TRMT10C: variants seen among roughly 807,000 people sequenced by gnomAD.
TRMT10C encodes tRNA methyltransferase 10 homolog C.
Under a neutral mutation model 27.4 loss-of-function variants are expected in TRMT10C, and 14 were observed. The ratio of observed to expected loss-of-function variants is 0.51; its 90% CI spans 0.34 to 0.80. TRMT10C has a LOEUF of 0.80. TRMT10C is among the 30% of genes least tolerant of loss of function. The pLI, the probability that TRMT10C is intolerant of heterozygous loss-of-function variation, is 0.02. For synonymous variants in TRMT10C, 143 were observed against 155.9 expected (o/e 0.92, Z 0.62); for missense variants, 438 against 464.8 (o/e 0.94, Z 0.53).
At chr3:101,563,499 C>G (rs1934458617) in intron 1 of TRMT10C, among the ~76,000 whole-genome samples, 7 of 151,962 alleles carry the variant, frequency 4.6e-5, no homozygotes, top group Admixed American at 4.6e-4. Flanking sequence ...ATTGAAGCCA[C>G]AGAAGTAGGT....
intron 1 of TRMT10C, chr3:101,562,228 G>A (rs546403041): frequency 9.2e-5 from 14 of 152,290 alleles, no homozygotes; most frequent in Middle Eastern, 3.4e-3. Context: ...TCATTTCTGT[G>A]GTATTCTAAG....
chr3:101,566,126 C>T lies in TRMT10C; in HGVS notation c.*133C>T. On this transcript the variant is annotated 3_prime_UTR_variant, in exon 2 of 2. Coordinates refer to ENST00000309922, the MANE Select transcript of TRMT10C (RefSeq NM_017819.4). ...TTCTTCCCAAACAATTCATTTTTCTCTTCTAAAGGTAGTCTTTCCCAACTG... is the reference window on the plus strand; with the variant it reads ...TTCTTCCCAAACAATTCATTTTTCTTTTCTAAAGGTAGTCTTTCCCAACTG... 7 of 1,072,692 alleles carry T rather than the reference C, an allele frequency of 6.5e-6. No homozygotes were observed. In the South Asian group the frequency reaches 1.3e-4, roughly 20 times the overall value. 66.4% of individuals were successfully genotyped at this position (1,072,692 alleles called of 1,614,324 possible).
At chr3:101,562,118 A>C (rs879896813) in intron 1 of TRMT10C, 115 bp downstream of exon 1, 2 of 152,244 alleles carry the variant, frequency 1.3e-5, no homozygotes, top group Non-Finnish European at 2.9e-5. Flanking sequence ...GGGTAAGAGG[A>C]AGCCCAGTGA....
In TRMT10C at chr3:101,561,949, T is replaced by G. The variant is rs906760028; in HGVS notation, c.-67T>G. On this transcript the variant is annotated 5_prime_UTR_variant, in exon 1 of 2. Coordinates refer to ENST00000309922, the MANE Select transcript of TRMT10C (RefSeq NM_017819.4). ...GGCGTCCGTACGTCGGAGTCCTTCGTCCTCCAGGGTCCCTGTTCTTTGCGC... is the reference window on the plus strand; with the variant it reads ...GGCGTCCGTACGTCGGAGTCCTTCGGCCTCCAGGGTCCCTGTTCTTTGCGC... 6.5e-6 allele frequency: 1 copy of G among 153,056 alleles called. No homozygotes were observed. The highest frequency in any genetic ancestry group is 1.5e-5 in the Non-Finnish European group (1 of 68,504). 9.5% of individuals were successfully genotyped at this position (153,056 alleles called of 1,614,324 possible). A position where few individuals can be genotyped will look rare whatever the true frequency, so the allele number is the denominator to read the frequency against.
intron 1 of TRMT10C, among the ~76,000 whole-genome samples, chr3:101,564,293 T>C (rs1934472765): frequency 6.8e-6 from 1 of 146,188 alleles, no homozygotes; most frequent in Non-Finnish European, 1.5e-5. Context: ...AATCTCACTC[T>C]GTCACCCAGG....
Position 101,566,184 on chromosome 3 carries a change from T to C in TRMT10C, c.*191T>C. 3.5e-6 allele frequency: 2 copies of C among 577,080 alleles called. No individual in the cohort carries two copies. Among genetic ancestry groups the C allele is most frequent in the Non-Finnish European group, 6.0e-6 (2 of 335,874 alleles). The allele number at this position is 577,080 out of a possible 1,614,324, so 35.7% of individuals were successfully genotyped here. On this transcript the variant is annotated 3_prime_UTR_variant, in exon 2 of 2. Transcript: ENST00000309922. ...GGTTGTGTCTTTTCCCAATTAAATATCTGCAGAACTTTGGGATTATACTTT... is the reference window on the plus strand; with the variant it reads ...GGTTGTGTCTTTTCCCAATTAAATACCTGCAGAACTTTGGGATTATACTTT...
chr3:101,565,647 A>G lies in TRMT10C; in HGVS notation c.866A>G (p.Tyr289Cys), dbSNP rs187732394. The change falls in exon 2 of 2, where the codon TAT (tyrosine) becomes TGT (cysteine). Residue 289 changes from tyrosine to cysteine, a missense_variant. Physicochemically the swap from Tyr to Cys is radical, Grantham distance 194. Around this residue, in one of 3 missense-constraint regions of TRMT10C, gnomAD observed 350 missense variants for 370.5 expected, o/e 0.94. Transcript: ENST00000309922. ...VDLFPKDSII[Y>C]LTADSPNVMT... ...TTATTTCCAAAGGACAGTATTATCT[A>G]TTTAACTGCAGATTCTCCCAATGTT... 74 of 1,614,214 alleles carry G rather than the reference A, an allele frequency of 4.6e-5. No individual in the cohort carries two copies. In the Admixed American group the frequency reaches 5.3e-4, roughly 12 times the overall value.
chr3:101,565,966 C>G lies in TRMT10C; in HGVS notation c.1185C>G (p.Ile395Met). ...TTTCTCAGCATTCTCAAGAGTTTAT[C>G]AACAGACTAAAGAAGGCAAAGACTT... The part of the protein sequence containing the change: ...LEISQHSQEF[I>M]NRLKKAKT The change falls in exon 2 of 2, where the codon ATC becomes ATG. Residue 395 changes from isoleucine to methionine, a missense_variant. This residue lies in a region of TRMT10C where 84 missense variants were observed against 76.5 expected (regional missense o/e 1.10). Coordinates refer to ENST00000309922, the MANE Select transcript of TRMT10C (RefSeq NM_017819.4). 6.2e-7 allele frequency: 1 copy of G among 1,609,026 alleles called. No homozygotes were observed. Among genetic ancestry groups the G allele is most frequent in the Non-Finnish European group, 8.5e-7 (1 of 1,177,690 alleles).
Position 101,564,256 on chromosome 3 carries a change from C to CTT in TRMT10C, c.-12-496_-12-495dup, listed in dbSNP as rs11410961. Among the ~76,000 whole-genome samples the CTT allele has an allele frequency of 3.3e-3, 398 of 121,466 alleles. 5 individuals carry two copies. The highest frequency in any genetic ancestry group is 8.9e-3 in the Middle Eastern group (2 of 224). The allele number at this position is 121,466 out of a possible 152,430, so 79.7% of individuals were successfully genotyped here. A position where few individuals can be genotyped will look rare whatever the true frequency, so the allele number is the denominator to read the frequency against. On this transcript the variant is annotated intron_variant, in intron 1 of 1. Transcript: ENST00000309922. ...ATTCATGTCTAAAATAAGAACCCAACTTTTTTTTTTTTTTTTTTTGAGACA... is the reference window on the plus strand; with the variant it reads ...ATTCATGTCTAAAATAAGAACCCAACTTTTTTTTTTTTTTTTTTTTTGAGACA...
intron 1 of TRMT10C, among the ~76,000 whole-genome samples, chr3:101,563,884 C>A (rs1473095254): frequency 6.6e-6 from 1 of 152,260 alleles, no homozygotes; most frequent in East Asian, 1.9e-4. Flanking sequence ...TTATTTGCTG[C>A]AAAATAAAGC....
rs1428970036 is a variant in TRMT10C, at chr3:101,566,050, T to C, written c.*57T>C. 1.3e-6 allele frequency: 2 copies of C among 1,502,748 alleles called. No individual in the cohort carries two copies. Among genetic ancestry groups the C allele is most frequent in the Non-Finnish European group, 1.8e-6 (2 of 1,122,870 alleles). 93.1% of individuals were successfully genotyped at this position (1,502,748 alleles called of 1,614,324 possible). ...AGAACACGTGGCTCAAATGAGAACATTTGATGGCTTAAAAAGTAAATGCGT... is the reference window on the plus strand; with the variant it reads ...AGAACACGTGGCTCAAATGAGAACACTTGATGGCTTAAAAAGTAAATGCGT... On this transcript the variant is annotated 3_prime_UTR_variant, in exon 2 of 2. Transcript: ENST00000309922.
chr3:101,566,212 T>G lies in TRMT10C; in HGVS notation c.*219T>G. On this transcript the variant is annotated 3_prime_UTR_variant, in exon 2 of 2. Transcript: ENST00000309922. ...GCAGAACTTTGGGATTATACTTTGT[T>G]TACTGTAGAAAGATAATAAAAAGAG... 1 of 472,920 alleles carries G rather than the reference T, an allele frequency of 2.1e-6. No homozygotes were observed. The highest frequency in any genetic ancestry group is 3.5e-5 in the South Asian group (1 of 28,278). The allele number at this position is 472,920 out of a possible 1,614,324, so 29.3% of individuals were successfully genotyped here.
Position 101,565,984 on chromosome 3 carries a change from A to G in TRMT10C, c.1203A>G (p.Ala401=), listed in dbSNP as rs773072989. 6.3e-7 allele frequency: 1 copy of G among 1,594,866 alleles called. No individual in the cohort carries two copies. Among genetic ancestry groups the G allele is most frequent in the Non-Finnish European group, 8.5e-7 (1 of 1,171,372 alleles). Residue 401 remains alanine, a synonymous_variant, in exon 2 of 2, where the codon GCA becomes GCG. Transcript: ENST00000309922. ...SQEFINRLKK[A]KT ...AGTTTATCAACAGACTAAAGAAGGC[A>G]AAGACTTAATTCATTTTCAAAAGGT... is the stretch of plus-strand genomic sequence containing the variant.
At chr3:101,562,241 C>T (rs963373809) in intron 1 of TRMT10C, 2 of 152,210 alleles carry the variant, frequency 1.3e-5, no homozygotes, top group Non-Finnish European at 2.9e-5. Context: ...ATTCTAAGTC[C>T]TTGCCAGTTA....
chr3:101,566,107 C>A lies in TRMT10C; in HGVS notation c.*114C>A. 1 of 1,202,156 alleles carries A rather than the reference C, an allele frequency of 8.3e-7. No homozygotes were observed. Among genetic ancestry groups the A allele is most frequent in the Non-Finnish European group, 1.1e-6 (1 of 878,590 alleles). The allele number at this position is 1,202,156 out of a possible 1,614,324, so 74.5% of individuals were successfully genotyped here. On this transcript the variant is annotated 3_prime_UTR_variant, in exon 2 of 2. Coordinates refer to ENST00000309922, the MANE Select transcript of TRMT10C (RefSeq NM_017819.4). Reference sequence around the variant, plus strand: ...TACAGTTCTGTTAATGTATTTCTTCCCAAACAATTCATTTTTCTCTTCTAA... The same window carrying A: ...TACAGTTCTGTTAATGTATTTCTTCACAAACAATTCATTTTTCTCTTCTAA...
Position 101,564,811 on chromosome 3 carries a change from T to A in TRMT10C, c.30T>A (p.Ser10Arg). Residue 10 changes from serine to arginine, a missense_variant, in exon 2 of 2, where the codon AGT (serine) becomes AGA (arginine). By Grantham distance (110) the Ser-to-Arg change is moderately radical. Around this residue, in one of 3 missense-constraint regions of TRMT10C, gnomAD observed 350 missense variants for 370.5 expected, o/e 0.94. Coordinates refer to ENST00000309922, the MANE Select transcript of TRMT10C (RefSeq NM_017819.4). The stretch of plus-strand genomic sequence containing the variant: ...CTGCTTTCCTCAAAATGAGTGTTAG[T>A]GTCAATTTCTTCAGACCTTTCACCA... MAAFLKMSV[S>R]VNFFRPFTRF... The A allele has an allele frequency of 6.2e-6, 10 of 1,601,076 alleles. No homozygotes were observed. The highest frequency in any genetic ancestry group is 8.5e-6 in the Non-Finnish European group (10 of 1,172,270).
chr3:101,562,727 A>G (rs927903970), intron 1 of TRMT10C, among the ~76,000 whole-genome samples: 1 of 151,758 alleles, frequency 6.6e-6, no homozygotes, highest in Non-Finnish European at 1.5e-5. Context: ...CTAGGGTATT[A>G]GAAAAATATT....
rs747902786 is a variant in TRMT10C, at chr3:101,565,907, G to A, written c.1126G>A (p.Val376Ile). Residue 376 changes from valine to isoleucine, a missense_variant, in exon 2 of 2, where the codon GTT becomes ATT. Physicochemically the swap from Val to Ile is conservative, Grantham distance 29. Around this residue, in one of 3 missense-constraint regions of TRMT10C, gnomAD observed 84 missense variants for 76.5 expected, o/e 1.10. Transcript: ENST00000309922. Reference protein sequence around the residue: ...NGNWQEALQFVPKRKHTGFLE... With the variant: ...NGNWQEALQFIPKRKHTGFLE... Reference sequence around the variant, plus strand: ...TAATTGGCAAGAGGCTCTGCAATTCGTTCCCAAGAGAAAACATACTGGTTT... The same window carrying A: ...TAATTGGCAAGAGGCTCTGCAATTCATTCCCAAGAGAAAACATACTGGTTT... The A allele has an allele frequency of 2.5e-5, 41 of 1,613,954 alleles. No homozygotes were observed. The highest frequency in any genetic ancestry group is 8.9e-5 in the East Asian group (4 of 44,878).
Position 101,565,533 on chromosome 3 carries a change from A to G in TRMT10C, c.752A>G (p.Asp251Gly), listed in dbSNP as rs1576594575. 1 of 1,613,686 alleles carries G rather than the reference A, an allele frequency of 6.2e-7. No individual in the cohort carries two copies. Among genetic ancestry groups the G allele is most frequent in the South Asian group, 1.1e-5 (1 of 91,076 alleles). ...FHIYFCNLKI[D>G]GALHRELVKR... The stretch of plus-strand genomic sequence containing the variant: ...ATTTATTTCTGCAATCTAAAAATAG[A>G]TGGTGCTTTGCACAGAGAGTTAGTT... The change falls in exon 2 of 2, where the codon GAT (aspartate) becomes GGT (glycine). Residue 251 changes from aspartate (D) to glycine (G), a missense_variant. This residue lies in a region of TRMT10C where 350 missense variants were observed against 370.5 expected (regional missense o/e 0.94). Coordinates refer to ENST00000309922, the MANE Select transcript of TRMT10C (RefSeq NM_017819.4).
Sources: gnomAD v4.1 joint callset for allele counts (sites outside exome capture counted in the v4.1 genomes callset) on GRCh38, gnomAD v4.1.1 for gene constraint, gnomAD v4.1.1 regional missense constraint, MANE v1.5 for transcripts, NCBI Gene and HGNC (gene_info 2026-07-23, HGNC 2026-07-21) for gene names.